NELL2: variants seen among roughly 807,000 people sequenced by gnomAD.
NELL2 encodes the protein neural EGFL like 2, also known as protein kinase C-binding protein NELL2.
NELL2 carries 41 observed loss-of-function variants against 109.6 expected under a neutral mutation model. That is an observed-to-expected ratio of 0.37 (90% confidence interval 0.29 to 0.49). The LOEUF (loss-of-function observed/expected upper bound fraction) is 0.49, where lower values mean the gene tolerates loss of function less well. NELL2 is among the 20% of genes least tolerant of loss of function. The pLI, the probability that NELL2 is intolerant of heterozygous loss-of-function variation, is 0.98. For synonymous variants in NELL2, 355 were observed against 344.7 expected (o/e 1.03, Z -0.33); for missense variants, 900 against 1,008.3 (o/e 0.89, Z 1.45).
chr12:44,918,330 C>A (rs773125904), upstream of NELL2, among the ~76,000 whole-genome samples: 2 of 152,176 alleles, frequency 1.3e-5, no homozygotes, highest in Non-Finnish European at 2.9e-5. Flanking sequence ...CTCTCTTTAA[C>A]CATCTGGAAT....
Position 44,687,278 on chromosome 12 carries a change from C to T in NELL2, c.1318+16448G>A, listed in dbSNP as rs147624422. ...CCTGCTTTGGCTCGCCCATGGTGCG[C>T]GCACCCACTGACCTGCGCCCACTGT... On this transcript the variant is annotated intron_variant, in intron 12 of 19. Coordinates refer to ENST00000429094, the MANE Select transcript of NELL2 (RefSeq NM_001145108.2). 8.6e-4 allele frequency among the ~76,000 whole-genome samples: 131 copies of T among 152,270 alleles called. 1 individual carries two copies. Among genetic ancestry groups the T allele is most frequent in the Admixed American group, 3.9e-3 (59 of 15,306 alleles).
At chr12:44,639,067 C>T (rs1946749939) in intron 13 of NELL2, among the ~76,000 whole-genome samples, 1 of 152,224 alleles carries the variant, frequency 6.6e-6, no homozygotes, top group South Asian at 2.1e-4. Context: ...TTCTGGTTTA[C>T]ATTTTACATT....
intron 2 of NELL2, among the ~76,000 whole-genome samples, chr12:44,821,523 T>G (rs1943542781): frequency 6.6e-6 from 1 of 152,214 alleles, no homozygotes; most frequent in East Asian, 1.9e-4. Context: ...TCATTTGCAT[T>G]TCTGTTTCCA....
intron 15 of NELL2, among the ~76,000 whole-genome samples, chr12:44,540,506 G>A (rs1371673312): frequency 6.6e-6 from 1 of 152,050 alleles, no homozygotes. Flanking sequence ...CATGGAGCTG[G>A]AAGTAGCTGA....
intron 12 of NELL2, among the ~76,000 whole-genome samples, chr12:44,680,979 A>G (rs779460459): frequency 2.6e-5 from 4 of 152,132 alleles, no homozygotes; most frequent in Non-Finnish European, 5.9e-5. Flanking sequence ...GCACTATTTA[A>G]TCAAAGCTAA....
chr12:44,829,615 G>C (rs1943823489), intron 2 of NELL2, among the ~76,000 whole-genome samples: 1 of 152,074 alleles, frequency 6.6e-6, no homozygotes, highest in African/African-American at 2.4e-5. Context: ...AGCTTTCACT[G>C]GTCTTATCTT....
intron 12 of NELL2, among the ~76,000 whole-genome samples, chr12:44,688,783 A>G (rs537525570): frequency 6.6e-6 from 1 of 152,350 alleles, no homozygotes; most frequent in African/African-American, 2.4e-5. Context: ...ATAAATCTGC[A>G]AAGTGTGTAT....
At chr12:44,841,303 T>C (rs1001654004) in intron 2 of NELL2, among the ~76,000 whole-genome samples, 2 of 152,204 alleles carry the variant, frequency 1.3e-5, no homozygotes, top group African/African-American at 4.8e-5. Flanking sequence ...CAACTTTCTA[T>C]AGATTAAATC....
upstream of NELL2, among the ~76,000 whole-genome samples, chr12:44,916,436 T>C (rs1945829407): frequency 6.6e-6 from 1 of 152,176 alleles, no homozygotes; most frequent in Admixed American, 6.5e-5. Context: ...CCCACATTTT[T>C]AAAATGGAAA....
chr12:44,555,015 A>G (rs1267024154), intron 15 of NELL2, among the ~76,000 whole-genome samples: 1 of 152,232 alleles, frequency 6.6e-6, no homozygotes, highest in African/African-American at 2.4e-5. Flanking sequence ...CTGGAGGAAG[A>G]CATACTCCAA....
chr12:44,815,743 C>A (rs1446194779), intron 3 of NELL2, among the ~76,000 whole-genome samples: 1 of 151,420 alleles, frequency 6.6e-6, no homozygotes, highest in Non-Finnish European at 1.5e-5. Context: ...CTCAGCCACT[C>A]GAGTAGCTGG....
intron 16 of NELL2, among the ~76,000 whole-genome samples, chr12:44,530,018 A>C (rs1941969488): frequency 6.6e-6 from 1 of 152,182 alleles, no homozygotes; most frequent in Non-Finnish European, 1.5e-5. Context: ...AAAAGACTTA[A>C]CTATATGGAA....
chr12:44,561,419 T>C (rs986356389), intron 15 of NELL2, among the ~76,000 whole-genome samples: 1 of 152,198 alleles, frequency 6.6e-6, no homozygotes, highest in African/African-American at 2.4e-5. Flanking sequence ...TGATTTTATA[T>C]TTTTAAAAAC....
chr12:44,772,354 T>C (rs1352482683), intron 9 of NELL2, among the ~76,000 whole-genome samples: 2 of 152,204 alleles, frequency 1.3e-5, no homozygotes, highest in East Asian at 1.9e-4. Flanking sequence ...TAAATACATA[T>C]GAAAATCTGT....
Position 44,776,019 on chromosome 12 carries a change from T to C in NELL2, c.891+3A>G, listed in dbSNP as rs371229342. 3 of 1,612,174 alleles carry C rather than the reference T, an allele frequency of 1.9e-6. No homozygotes were observed. Among genetic ancestry groups the C allele is most frequent in the Non-Finnish European group, 2.5e-6 (3 of 1,179,418 alleles). ...TTAGTCTCAACTCAAATAGAAGCCA[T>C]ACCAGGCATGTGCAGTTCTTACAGC... On this transcript the variant is annotated splice_donor_region_variant and intron_variant, in intron 8 of 19. Transcript: ENST00000429094.
chr12:44,919,960 G>A (rs939097845), intron 1 of NELL2, among the ~76,000 whole-genome samples: 4 of 152,136 alleles, frequency 2.6e-5, no homozygotes, highest in East Asian at 1.9e-4. Context: ...TTCATAAGCC[G>A]AAGTTGATTT....
intron 15 of NELL2, among the ~76,000 whole-genome samples, chr12:44,605,399 A>G (rs1945363088): frequency 6.6e-6 from 1 of 152,158 alleles, no homozygotes; most frequent in African/African-American, 2.4e-5. Context: ...AGTACAACTA[A>G]ATTTTGAGTC....
chr12:44,831,797 T>C (rs1296775778), intron 2 of NELL2, among the ~76,000 whole-genome samples: 1 of 152,182 alleles, frequency 6.6e-6, no homozygotes, highest in Non-Finnish European at 1.5e-5. Flanking sequence ...ACAAAAACTG[T>C]GTCCGTGAGT....
intron 15 of NELL2, among the ~76,000 whole-genome samples, chr12:44,583,069 T>A (rs1410299713): frequency 6.6e-6 from 1 of 152,118 alleles, no homozygotes; most frequent in Non-Finnish European, 1.5e-5. Flanking sequence ...AGAAATAAAT[T>A]TCTTTTCACT....
Sources: gnomAD v4.1 joint callset for allele counts (sites outside exome capture counted in the v4.1 genomes callset) on GRCh38, gnomAD v4.1.1 for gene constraint, MANE v1.5 for transcripts, NCBI Gene and HGNC (gene_info 2026-07-23, HGNC 2026-07-21) for gene names.